Variants in TGFBR2 observed in about 807,000 individuals in gnomAD.
The protein encoded by TGFBR2 is transforming growth factor beta receptor 2.
TGFBR2 carries 18 observed loss-of-function variants against 49.0 expected under a neutral mutation model. The ratio of observed to expected loss-of-function variants is 0.37; its 90% confidence interval spans 0.25 to 0.54. The LOEUF (loss-of-function observed/expected upper bound fraction) is 0.54, where lower values mean the gene tolerates loss of function less well. Ranked by LOEUF, TGFBR2 falls within the 20% of genes least tolerant of loss-of-function variation. The probability of loss-of-function intolerance (pLI) is 0.85; values close to 1 mark genes in which losing one functional copy is unlikely to be tolerated. For synonymous variants in TGFBR2, 282 were observed against 275.9 expected, an observed-to-expected ratio of 1.02 and a Z score of -0.22; for missense variants, 525 against 722.6, an observed-to-expected ratio of 0.73 and a Z score of 3.13.
At chr3:30,661,241 G>A (rs577816904) in intron 3 of TGFBR2, among the ~76,000 whole-genome samples, 1 of 151,920 alleles carries the variant, frequency 6.6e-6, no homozygotes, top group African/African-American at 2.4e-5. Context: ...CAATAACACA[G>A]AAAAGAAAAT....
At chr3:30,674,084 C>T (rs2125438645) in intron 4 of TGFBR2, 21 bp from the exon 5 acceptor site, 2 of 1,614,128 alleles carry the variant, frequency 1.2e-6, no homozygotes, top group South Asian at 1.1e-5. Context: ...TGATGGGCCT[C>T]ACTGTCTGTT....
At chr3:30,671,257 G>C (rs1189330979) in intron 3 of TGFBR2, among the ~76,000 whole-genome samples, 1 of 152,160 alleles carries the variant, frequency 6.6e-6, no homozygotes, top group Non-Finnish European at 1.5e-5. Context: ...GGCAAGAGTA[G>C]GGAAAGACAG....
chr3:30,669,394 G>T (rs1420438631), intron 3 of TGFBR2, among the ~76,000 whole-genome samples: 1 of 152,070 alleles, frequency 6.6e-6, no homozygotes, highest in Non-Finnish European at 1.5e-5. Flanking sequence ...AGGAGTGGAG[G>T]TTTAATAGGC....
chr3:30,630,392 C>T (rs1343737786), intron 1 of TGFBR2, among the ~76,000 whole-genome samples: 1 of 152,170 alleles, frequency 6.6e-6, no homozygotes, highest in Non-Finnish European at 1.5e-5. Flanking sequence ...ATCACTTATT[C>T]CAGTTTTATC....
Position 30,606,692 on chromosome 3 carries a change from C to T in TGFBR2, c.-192C>T, listed in dbSNP as rs1388051820. 3 of 390,330 alleles carry T rather than the reference C, an allele frequency of 7.7e-6. No individual in the cohort carries two copies. Among genetic ancestry groups the T allele is most frequent in the Non-Finnish European group, 9.0e-6 (2 of 222,452 alleles). 24.2% of individuals were successfully genotyped at this position (390,330 alleles called of 1,614,324 possible). On this transcript the variant is annotated 5_prime_UTR_variant, in exon 1 of 7. Coordinates refer to ENST00000295754, the MANE Select transcript of TGFBR2 (RefSeq NM_003242.6). ...TGCAGCTTCCCTCGGCCGCCGGGGG[C>T]CTCCCCGCGCCTCGCCGGCCTCCAG...
rs865849202 is a variant in TGFBR2 at position 30,693,917 on chromosome 3, A to T, written c.*2318A>T. On this transcript the variant is annotated 3_prime_UTR_variant, in exon 7 of 7. Coordinates refer to ENST00000295754, the MANE Select transcript of TGFBR2 (RefSeq NM_003242.6). ...AAAAATACTGACTTTTTTCACTACTATACATAAAGGGAAAGTTTTATTCTT... is the reference window on the plus strand; with the variant it reads ...AAAAATACTGACTTTTTTCACTACTTTACATAAAGGGAAAGTTTTATTCTT... 8.6e-6 allele frequency: 2 copies of T among 231,662 alleles called. No individual in the cohort carries two copies. The highest frequency in any genetic ancestry group is 1.7e-5 in the Non-Finnish European group (2 of 116,786). The allele number at this position is 231,662 out of a possible 1,614,324, so 14.4% of individuals were successfully genotyped here.
intron 1 of TGFBR2, among the ~76,000 whole-genome samples, chr3:30,628,906 C>T (rs537476533): frequency 6.6e-6 from 1 of 152,160 alleles, no homozygotes; most frequent in African/African-American, 2.4e-5. Context: ...TCAGCAGTGA[C>T]ACTACAGACA....
At chr3:30,607,185 AG>A (rs1697938781) in intron 1 of TGFBR2, among the ~76,000 whole-genome samples, 1 of 152,162 alleles carries the variant, frequency 6.6e-6, no homozygotes, top group Admixed American at 6.5e-5. Flanking sequence ...TTCAGTTGCA[AG>A]GGGCGCGGGG....
At chr3:30,637,724 T>A (rs1698563317) in intron 1 of TGFBR2, among the ~76,000 whole-genome samples, 1 of 152,246 alleles carries the variant, frequency 6.6e-6, no homozygotes, top group African/African-American at 2.4e-5. Context: ...GTCGTTGCGT[T>A]GTGTTCCTTG....
At chr3:30,690,939 A>G (rs980943518) in intron 6 of TGFBR2, among the ~76,000 whole-genome samples, 1 of 152,250 alleles carries the variant, frequency 6.6e-6, no homozygotes, top group Non-Finnish European at 1.5e-5. Context: ...TGTACCTCAT[A>G]GATGCATGCA....
In TGFBR2 at chr3:30,671,571, C is replaced by T. The variant is rs112827263; in HGVS notation, c.455-67C>T. Reference sequence around the variant, plus strand: ...AAATCTATAGATGCTCAGGCATGAACCCACTTCCTGACAGTACTTACCTAC... The same window carrying T: ...AAATCTATAGATGCTCAGGCATGAATCCACTTCCTGACAGTACTTACCTAC... On this transcript the variant is annotated intron_variant, in intron 3 of 6. Coordinates refer to ENST00000295754, the MANE Select transcript of TGFBR2 (RefSeq NM_003242.6). 3.4e-5 allele frequency: 51 copies of T among 1,516,600 alleles called. No individual in the cohort carries two copies. The African/African-American group carries it at 4.6e-4, about 14-fold the overall frequency. 93.9% of individuals were successfully genotyped at this position (1,516,600 alleles called of 1,614,324 possible). A position where few individuals can be genotyped will look rare whatever the true frequency, so the allele number is the denominator to read the frequency against.
At chr3:30,690,426 G>A (rs1456639404) in intron 6 of TGFBR2, among the ~76,000 whole-genome samples, 1 of 152,210 alleles carries the variant, frequency 6.6e-6, no homozygotes, top group African/African-American at 2.4e-5. Flanking sequence ...AAATGGCATA[G>A]AGTTAAGCAT....
chr3:30,646,575 CT>C (rs909560497), intron 2 of TGFBR2, among the ~76,000 whole-genome samples: 1 of 152,200 alleles, frequency 6.6e-6, no homozygotes, highest in Admixed American at 6.5e-5. Context: ...GGCAGGCAGA[CT>C]TGTGCTCAGC....
At chr3:30,681,681 G>A (rs191644204) in intron 5 of TGFBR2, among the ~76,000 whole-genome samples, 3 of 152,270 alleles carry the variant, frequency 2.0e-5, no homozygotes, top group Admixed American at 6.5e-5. Flanking sequence ...AAAAGATGCC[G>A]TTTGAGGCAC....
In TGFBR2 at chr3:30,668,638, C is replaced by T. The variant is rs577753153; in HGVS notation, c.455-3000C>T. 8.7e-3 allele frequency among the ~76,000 whole-genome samples: 1,332 copies of T among 152,238 alleles called. 26 individuals are homozygous for T. Among genetic ancestry groups the T allele is most frequent in the African/African-American group, 0.031 (1,284 of 41,526 alleles). ...ATTGCTTTGTCCCACCCCATTTCTG[C>T]CCTACTCTTGCCTGTTCTTTGTCCC... is the stretch of plus-strand genomic sequence containing the variant. On this transcript the variant is annotated intron_variant, in intron 3 of 6. Coordinates refer to ENST00000295754, the MANE Select transcript of TGFBR2 (RefSeq NM_003242.6).
intron 1 of TGFBR2, among the ~76,000 whole-genome samples, chr3:30,627,486 T>C (rs1257810263): frequency 1.3e-5 from 2 of 151,948 alleles, no homozygotes; most frequent in African/African-American, 4.8e-5. Flanking sequence ...TTCACCTGAG[T>C]GTAGAAGGTA....
At chr3:30,673,989 C>G (rs1699386763) in intron 4 of TGFBR2, 116 bp from the exon 5 acceptor site, 1 of 1,244,246 alleles carries the variant, frequency 8.0e-7, no homozygotes, top group Non-Finnish European at 1.2e-6. Context: ...TAAAACAGCA[C>G]TTTGATTTTT....
At chr3:30,644,670 C>A in intron 1 of TGFBR2, 77 bp from the exon 2 acceptor site, 3 of 1,376,758 alleles carry the variant, frequency 2.2e-6, no homozygotes, top group Non-Finnish European at 3.1e-6. Context: ...TTTGAAATTG[C>A]ATAACATCTT....
chr3:30,617,290 T>A (rs542648163), intron 1 of TGFBR2, among the ~76,000 whole-genome samples: 1 of 152,210 alleles, frequency 6.6e-6, no homozygotes, highest in Non-Finnish European at 1.5e-5. Context: ...TAGCGTAGAC[T>A]AGGAATCTTT....
Sources: gnomAD v4.1 joint callset for allele counts (sites outside exome capture counted in the v4.1 genomes callset) on GRCh38, gnomAD v4.1.1 for gene constraint, MANE v1.5 for transcripts, NCBI Gene and HGNC (gene_info 2026-07-23, HGNC 2026-07-21) for gene names.